Variants in ADGRV1 observed in about 807,000 individuals in gnomAD.
ADGRV1 encodes adhesion G protein-coupled receptor V1.
Under a neutral mutation model 596.2 loss-of-function variants are expected in ADGRV1, and 359 were observed. The ratio of observed to expected loss-of-function variants is 0.60; its 90% confidence interval spans 0.55 to 0.66. The LOEUF (loss-of-function observed/expected upper bound fraction) is 0.66, where lower values mean the gene tolerates loss of function less well. Among genes scored for constraint, ADGRV1 ranks in the 30% least tolerant of loss-of-function variants. ADGRV1 has a pLI of 0.00. For missense variants in ADGRV1, 7,274 were observed against 7,575.6 expected, an observed-to-expected ratio of 0.96 and a Z score of 1.48; for synonymous variants, 2,681 against 2,679.2, an observed-to-expected ratio of 1.00 and a Z score of -0.02.
chr5:90,725,456 G>T (rs1580887296), intron 47 of ADGRV1, 93 bp from the exon 48 acceptor site: 2 of 791,396 alleles, frequency 2.5e-6, no homozygotes, highest in East Asian at 2.6e-5. Context: ...TTTAAGTCTT[G>T]CACTTCAGAT....
chr5:91,080,438 T>C (rs985915194), intron 86 of ADGRV1, among the ~76,000 whole-genome samples: 1 of 152,130 alleles, frequency 6.6e-6, no homozygotes, highest in East Asian at 1.9e-4. Context: ...AGAGCTGCCA[T>C]TGTTGTTCAC....
chr5:90,818,401 T>C (rs1763129183), intron 75 of ADGRV1, among the ~76,000 whole-genome samples: 1 of 150,112 alleles, frequency 6.7e-6, no homozygotes, highest in African/African-American at 2.4e-5. Flanking sequence ...TTGAATACCC[T>C]TTATTTCCTT....
chr5:90,596,684 G>A (rs1159278620), intron 1 of ADGRV1, among the ~76,000 whole-genome samples: 2 of 152,188 alleles, frequency 1.3e-5, no homozygotes, highest in East Asian at 1.9e-4. Flanking sequence ...CAGGCACTCC[G>A]CAGGCTGAGG....
In ADGRV1 at chr5:90,614,361, A is replaced by G. The variant is rs1425919201; in HGVS notation, c.23-474A>G. ...CTAAGAATTTAAAAAATTCTCAAAG[A>G]AGACAAGTTTAAGGAAAAAGTAGAC... On this transcript the variant is annotated intron_variant, in intron 1 of 89. Transcript: ENST00000405460. The G allele has an allele frequency of 2.3e-5, 6 of 264,536 alleles. No individual in the cohort carries two copies. In the East Asian group the frequency reaches 6.8e-4, roughly 30 times the overall value. The allele number at this position is 264,536 out of a possible 1,614,324, so 16.4% of individuals were successfully genotyped here.
intron 21 of ADGRV1, among the ~76,000 whole-genome samples, chr5:90,667,987 A>T (rs375752575): frequency 6.6e-6 from 1 of 151,432 alleles, no homozygotes; most frequent in African/African-American, 2.4e-5. Flanking sequence ...CCAGCTGCGT[A>T]CTGGGAGAAC....
intron 66 of ADGRV1, among the ~76,000 whole-genome samples, chr5:90,783,552 C>G (rs1428628453): frequency 1.3e-5 from 2 of 152,164 alleles, no homozygotes; most frequent in Non-Finnish European, 2.9e-5. Flanking sequence ...TTCTGTTTCT[C>G]TAGACTTAAA....
Position 90,628,853 on chromosome 5 carries a change from T to G in ADGRV1, c.1509+21T>G, listed in dbSNP as rs751394186. ...CGGAGGTATAACCCTTGTTATGCTT[T>G]ATGCTTGTTAATATTTCTGTGCTGT... On this transcript the variant is annotated intron_variant, in intron 8 of 89. Coordinates refer to ENST00000405460, the MANE Select transcript of ADGRV1 (RefSeq NM_032119.4). 7.5e-6 allele frequency: 12 copies of G among 1,604,536 alleles called. No homozygotes were observed. The East Asian group carries it at 2.7e-4, about 36-fold the overall frequency.
At chr5:90,572,601 A>G (rs901666533) in intron 1 of ADGRV1, among the ~76,000 whole-genome samples, 1 of 152,244 alleles carries the variant, frequency 6.6e-6, no homozygotes, top group Non-Finnish European at 1.5e-5. Flanking sequence ...TATTCAATAA[A>G]TGGTGTTGGT....
intron 87 of ADGRV1, among the ~76,000 whole-genome samples, chr5:91,147,408 G>A (rs1795641942): frequency 6.6e-6 from 1 of 152,078 alleles, no homozygotes; most frequent in Non-Finnish European, 1.5e-5. Context: ...ATCTCGCCTT[G>A]GATTGTAATA....
chr5:90,766,196 A>G, intron 59 of ADGRV1, among the ~76,000 whole-genome samples: 1 of 152,150 alleles, frequency 6.6e-6, no homozygotes, highest in Non-Finnish European at 1.5e-5. Context: ...GGCGTGAGCC[A>G]CTGTGTCTGA....
chr5:90,792,371 C>G (rs771163939), intron 70 of ADGRV1: 3 of 152,180 alleles, frequency 2.0e-5, no homozygotes, highest in African/African-American at 4.8e-5. Flanking sequence ...AGCAACAAGC[C>G]TATTACACTA....
At chr5:90,691,112 C>T in intron 31 of ADGRV1, 71 bp downstream of exon 31, 3 of 1,560,680 alleles carry the variant, frequency 1.9e-6, no homozygotes, top group East Asian at 2.2e-5. Flanking sequence ...AACAGATGGC[C>T]ATTGTAACAT....
Position 90,712,354 on chromosome 5 carries a change from C to A in ADGRV1, c.9110C>A (p.Pro3037Gln). 6.4e-7 allele frequency: 1 copy of A among 1,569,502 alleles called. No homozygotes were observed. Residue 3037 changes from proline (P) to glutamine (Q), a missense_variant, in exon 42 of 90, where the codon CCA becomes CAA. Pro to Gln is a moderately conservative substitution (Grantham distance 76, BLOSUM62 -1). Around this residue, in one of 5 missense-constraint regions of ADGRV1, gnomAD observed 3,643 missense variants for 3,809.2 expected, o/e 0.96. Transcript: ENST00000405460. ...ATCATGATTCTTGATGATGACATTC[C>A]AGAAGGAGATGAAAAATTTCAGCTG... ...VNIMILDDDIPEGDEKFQLIL... is the reference protein window; with the variant it reads ...VNIMILDDDIQEGDEKFQLIL...
chr5:90,946,767 A>G (rs1310385575), intron 83 of ADGRV1, among the ~76,000 whole-genome samples: 1 of 152,084 alleles, frequency 6.6e-6, no homozygotes, highest in Non-Finnish European at 1.5e-5. Flanking sequence ...TTCTAGCTAC[A>G]TCCATGTCCC....
At chr5:91,136,860 T>A (rs974276794) in intron 87 of ADGRV1, among the ~76,000 whole-genome samples, 3 of 120,194 alleles carry the variant, frequency 2.5e-5, no homozygotes, top group African/African-American at 9.7e-5. Flanking sequence ...AGCTTGGGGC[T>A]GGACTAAAAT....
At chr5:90,798,639 G>C (rs1761009700) in intron 70 of ADGRV1, among the ~76,000 whole-genome samples, 1 of 152,068 alleles carries the variant, frequency 6.6e-6, no homozygotes, top group Non-Finnish European at 1.5e-5. Context: ...AAAATTTCAG[G>C]CCAATATCTG....
At chr5:91,041,724 A>G (rs1285558808) in intron 85 of ADGRV1, among the ~76,000 whole-genome samples, 1 of 152,102 alleles carries the variant, frequency 6.6e-6, no homozygotes, top group Non-Finnish European at 1.5e-5. Context: ...ACTTGAAAGA[A>G]TTTCAATTTC....
intron 70 of ADGRV1, chr5:90,791,833 T>C (rs1760115864): frequency 6.5e-6 from 1 of 154,740 alleles, no homozygotes. Flanking sequence ...TATTCTCTAA[T>C]GGTAATGAGG....
At chr5:90,701,990 T>C (rs115766415) in intron 34 of ADGRV1, among the ~76,000 whole-genome samples, 2,247 of 117,088 alleles carry the variant, frequency 0.019, 34 homozygotes, top group Middle Eastern at 0.054. Context: ...TTAACAAATT[T>C]TGTGATTTGA....
Sources: allele counts gnomAD v4.1 joint callset (sites outside exome capture counted in the v4.1 genomes callset), GRCh38; gene constraint gnomAD v4.1.1; regional missense constraint gnomAD v4.1.1; transcripts MANE v1.5; gene names NCBI Gene and HGNC (gene_info 2026-07-23, HGNC 2026-07-21).